TIPARP: variants seen among roughly 807,000 people sequenced by gnomAD.
The protein encoded by TIPARP is TCDD inducible poly(ADP-ribose) polymerase, also known as protein mono-ADP-ribosyltransferase TIPARP.
TIPARP carries 12 observed loss-of-function variants against 56.5 expected under a neutral mutation model. That is an observed-to-expected ratio of 0.21 (90% CI 0.14 to 0.34). The LOEUF (loss-of-function observed/expected upper bound fraction) is 0.34. TIPARP is among the 10% of genes least tolerant of loss of function. The pLI, the probability that TIPARP is intolerant of heterozygous loss-of-function variation, is 1.00. For synonymous variants in TIPARP, 296 were observed against 265.7 expected (o/e 1.11, Z -1.11); for missense variants, 604 against 781.6 (o/e 0.77, Z 2.71).
chr3:156,690,629 G>A lies in TIPARP; in HGVS notation c.918-3391G>A, dbSNP rs1722548880. Reference sequence around the variant, plus strand: ...GTTCAAGTTCATTCTTCCCTTAATAGCAAAAATCAGCAGTCTGTTCACAAG... The same window carrying A: ...GTTCAAGTTCATTCTTCCCTTAATAACAAAAATCAGCAGTCTGTTCACAAG... On this transcript the variant is annotated intron_variant, in intron 2 of 5. Transcript: ENST00000295924. 2.0e-5 allele frequency among the ~76,000 whole-genome samples: 3 copies of A among 152,112 alleles called. No homozygotes were observed. In the South Asian group the frequency reaches 6.2e-4, roughly 31 times the overall value.
chr3:156,687,780 C>T (rs1722467991), intron 2 of TIPARP, among the ~76,000 whole-genome samples: 2 of 152,260 alleles, frequency 1.3e-5, no homozygotes, highest in South Asian at 4.1e-4. Context: ...TTTAAGACTA[C>T]AGATGTCTAA....
At position 156,704,681 on chromosome 3, in the gene TIPARP, T is replaced by C. The variant is rs1053822573; in HGVS notation, c.1527-3T>C. The C allele has an allele frequency of 6.2e-7, 1 of 1,608,110 alleles. No homozygotes were observed. ...TGAATTCTCTGTCTGTTCTTTCCAT[T>C]AGGAAAAAGGAATATATGAACAGGA... On this transcript the variant is annotated splice_region_variant and splice_polypyrimidine_tract_variant and intron_variant, in intron 5 of 5. Coordinates refer to ENST00000295924, the MANE Select transcript of TIPARP (RefSeq NM_015508.5).
intron 4 of TIPARP, among the ~76,000 whole-genome samples, chr3:156,699,544 AG>A (rs1475031619): frequency 6.6e-6 from 1 of 152,186 alleles, no homozygotes; most frequent in African/African-American, 2.4e-5. Flanking sequence ...GTTTTTTTAA[AG>A]AATGAATGCT....
rs768836830 is a variant in TIPARP at position 156,678,192 on chromosome 3, C to T, written c.495C>T (p.His165=). The T allele has an allele frequency of 1.9e-6, 3 of 1,614,104 alleles. No individual in the cohort carries two copies. Among genetic ancestry groups the T allele is most frequent in the South Asian group, 2.2e-5 (2 of 91,080 alleles). ...TPAHFQTDLL[H]PVSSDVPTSP... The stretch of plus-strand genomic sequence containing the variant: ...CTCACTTCCAGACTGATCTTTTGCA[C>T]CCAGTTTCAAGTGATGTTCCTACTA... The change falls in exon 2 of 6, where the codon CAC becomes CAT. Residue 165 remains histidine (H), a synonymous_variant. Transcript: ENST00000295924.
At chr3:156,675,563 AATTG>A (rs1360951097) in intron 1 of TIPARP, 2 of 152,512 alleles carry the variant, frequency 1.3e-5, no homozygotes, top group African/African-American at 4.8e-5. Context: ...GAACACCCGG[AATTG>A]CAGAGCCGGG....
intron 1 of TIPARP, chr3:156,675,042 G>A (rs909897706): frequency 2.0e-5 from 3 of 152,376 alleles, no homozygotes; most frequent in East Asian, 3.9e-4. Flanking sequence ...ACATCAGACC[G>A]AGGCGCCGAA....
rs1471030817 is a variant in TIPARP at position 156,703,555 on chromosome 3, A to G, written c.1379A>G (p.Gln460Arg). The stretch of plus-strand genomic sequence containing the variant: ...ACTTGGGTTTATATGCATCCATCTC[A>G]GGACTTCATCCAAGTCCCTGTTTCT... ...PETWVYMHPSQDFIQVPVSAE... is the reference protein window; with the variant it reads ...PETWVYMHPSRDFIQVPVSAE... The change falls in exon 5 of 6, where the codon CAG (glutamine) becomes CGG (arginine). Residue 460 changes from glutamine to arginine, a missense_variant. By Grantham distance (43) the Gln-to-Arg change is conservative. Coordinates refer to ENST00000295924, the MANE Select transcript of TIPARP (RefSeq NM_015508.5). The G allele has an allele frequency of 1.9e-6, 3 of 1,614,124 alleles. No individual in the cohort carries two copies. In the Admixed American group the frequency reaches 5.0e-5, roughly 27 times the overall value.
At chr3:156,695,570 A>G (rs913520955) in intron 3 of TIPARP, among the ~76,000 whole-genome samples, 10 of 152,048 alleles carry the variant, frequency 6.6e-5, no homozygotes, top group African/African-American at 1.9e-4. Context: ...CTTAAGAAAT[A>G]TGAACGAAAA....
At chr3:156,687,194 T>A (rs1310901671) in intron 2 of TIPARP, among the ~76,000 whole-genome samples, 2 of 152,224 alleles carry the variant, frequency 1.3e-5, no homozygotes, top group Non-Finnish European at 2.9e-5. Context: ...TTGAGAAGTA[T>A]GTCTCATTTA....
In TIPARP at chr3:156,695,826, C is replaced by CTTTTTTTTT. The variant is rs10631452; in HGVS notation, c.1087-30_1087-22dup. 2,241 of 1,031,038 alleles carry CTTTTTTTTT rather than the reference C, an allele frequency of 2.2e-3. 31 individuals are homozygous for CTTTTTTTTT. Among genetic ancestry groups the CTTTTTTTTT allele is most frequent in the African/African-American group, 7.7e-3 (351 of 45,784 alleles). 63.9% of individuals were successfully genotyped at this position (1,031,038 alleles called of 1,614,324 possible). On this transcript the variant is annotated intron_variant, in intron 3 of 5. Transcript: ENST00000295924. ...TTTTTAACCATGATTATTAACTTTC[C>CTTTTTTTTT]TTTTTTTTTTTTTTTTTGTTCTGTT...
chr3:156,695,826 C>CCT, intron 3 of TIPARP, 39 bp from the exon 4 acceptor site: 1 of 1,030,334 alleles, frequency 9.7e-7, no homozygotes, highest in South Asian at 3.0e-5. Flanking sequence ...ATTAACTTTC[C>CCT]TTTTTTTTTT....
At chr3:156,680,911 G>A (rs1309609678) in intron 2 of TIPARP, among the ~76,000 whole-genome samples, 2 of 152,164 alleles carry the variant, frequency 1.3e-5, no homozygotes, top group Non-Finnish European at 2.9e-5. Flanking sequence ...CTACTACATT[G>A]TTAGTGGTAA....
chr3:156,704,556 T>C, intron 5 of TIPARP, 128 bp from the exon 6 acceptor site: 1 of 908,432 alleles, frequency 1.1e-6, no homozygotes, highest in South Asian at 1.8e-5. Context: ...TTTAATAGGA[T>C]CTTTGATGGC....
chr3:156,685,252 C>G (rs1320412161), intron 2 of TIPARP, among the ~76,000 whole-genome samples: 1 of 152,178 alleles, frequency 6.6e-6, no homozygotes, highest in Non-Finnish European at 1.5e-5. Context: ...TTGCCGTTTC[C>G]ACACAACAAA....
chr3:156,686,005 C>G (rs74628377), intron 2 of TIPARP, among the ~76,000 whole-genome samples: 4,727 of 152,240 alleles, frequency 0.031, 171 homozygotes, highest in East Asian at 0.11. Context: ...CTTTCATTAC[C>G]AGGCATTTAG....
chr3:156,702,733 A>G (rs923461219), intron 4 of TIPARP, among the ~76,000 whole-genome samples: 2 of 152,218 alleles, frequency 1.3e-5, no homozygotes, highest in Admixed American at 6.5e-5. Context: ...CTTATCTAAA[A>G]TCATTGTTCA....
chr3:156,703,290 A>C (rs1198670194), intron 4 of TIPARP, 134 bp from the exon 5 acceptor site: 2 of 954,114 alleles, frequency 2.1e-6, no homozygotes, highest in Non-Finnish European at 3.0e-6. Context: ...AATAGATAGC[A>C]TTTTTTACTT....
chr3:156,675,285 G>A (rs2108483186), intron 1 of TIPARP: 1 of 152,470 alleles, frequency 6.6e-6, no homozygotes, highest in African/African-American at 2.4e-5. Context: ...GAGCGCACAA[G>A]TCTTCGTCTT....
chr3:156,699,678 T>C (rs1031418387), intron 4 of TIPARP, among the ~76,000 whole-genome samples: 3 of 152,240 alleles, frequency 2.0e-5, no homozygotes, highest in Admixed American at 6.5e-5. Flanking sequence ...TGGAATAGAA[T>C]GCTCAATATC....
Sources: allele counts gnomAD v4.1 joint callset (sites outside exome capture counted in the v4.1 genomes callset), GRCh38; gene constraint gnomAD v4.1.1; transcripts MANE v1.5; gene names NCBI Gene and HGNC (gene_info 2026-07-23, HGNC 2026-07-21).